CDON: variants seen among roughly 807,000 people sequenced by gnomAD.
The protein encoded by CDON is cell adhesion associated, oncogene regulated.
Under a neutral mutation model 120.9 loss-of-function variants are expected in CDON, and 73 were observed. The ratio of observed to expected loss-of-function variants is 0.60; its 90% CI spans 0.50 to 0.73. The LOEUF (loss-of-function observed/expected upper bound fraction) is 0.73, where lower values mean the gene tolerates loss of function less well. Ranked by LOEUF, CDON falls within the 30% of genes least tolerant of loss-of-function variation. The probability of loss-of-function intolerance (pLI) is 0.00; values close to 1 mark genes in which losing one functional copy is unlikely to be tolerated. For synonymous variants in CDON, 566 were observed against 573.5 expected (o/e 0.99, Z 0.19); for missense variants, 1,470 against 1,587.3 (o/e 0.93, Z 1.26).
intron 16 of CDON, 29 bp from the exon 17 acceptor site, chr11:125,981,358 A>G (rs747182223): frequency 3.7e-5 from 51 of 1,363,126 alleles, no homozygotes; most frequent in Non-Finnish European, 5.2e-5. Context: ...AAAGACACAC[A>G]CGCACACACA....
At position 126,019,775 on chromosome 11, in the gene CDON, A is replaced by T. The variant is rs1024682956; in HGVS notation, c.350-10T>A. 1.4e-5 allele frequency: 22 copies of T among 1,605,778 alleles called. No homozygotes were observed. The Admixed American group carries it at 3.7e-4, about 27-fold the overall frequency. On this transcript the variant is annotated splice_polypyrimidine_tract_variant and intron_variant, in intron 3 of 19. Transcript: ENST00000531738. ...CCAAAATCACCAAGAACTGAAATATATAAGGAAACAGATAAATAAATACAT... is the reference window on the plus strand; with the variant it reads ...CCAAAATCACCAAGAACTGAAATATTTAAGGAAACAGATAAATAAATACAT...
intron 18 of CDON, among the ~76,000 whole-genome samples, chr11:125,974,395 AGGGAGGGAGGG>A (rs1946095701): frequency 1.0e-4 from 1 of 9,598 alleles, no homozygotes; most frequent in Non-Finnish European, 2.0e-4. Flanking sequence ...GAAGGAAGGG[AGGGAGGGAGGG>A]AGGGAGGGAG....
At chr11:126,029,103 C>T (rs1947880731) in intron 1 of CDON, among the ~76,000 whole-genome samples, 1 of 152,154 alleles carries the variant, frequency 6.6e-6, no homozygotes, top group Non-Finnish European at 1.5e-5. Context: ...GGTTTAGATC[C>T]TCACACTGTG....
intron 19 of CDON, among the ~76,000 whole-genome samples, 163 bp from the exon 20 acceptor site, chr11:125,961,268 A>G (rs1470564158): frequency 6.6e-6 from 1 of 152,236 alleles, no homozygotes; most frequent in African/African-American, 2.4e-5. Flanking sequence ...AGAAGGTTTA[A>G]AAGGTTTAAA....
chr11:126,009,563 C>T (rs369501538), intron 8 of CDON, among the ~76,000 whole-genome samples: 142 of 152,292 alleles, frequency 9.3e-4, no homozygotes, highest in African/African-American at 3.4e-3. Context: ...ACCATGGCCC[C>T]AGGCAGAAGA....
At chr11:126,027,693 G>A (rs1279104781) in intron 1 of CDON, among the ~76,000 whole-genome samples, 2 of 152,106 alleles carry the variant, frequency 1.3e-5, no homozygotes, top group Admixed American at 1.3e-4. Flanking sequence ...CCTTGGCAAG[G>A]GAGACAATAA....
intron 5 of CDON, 89 bp downstream of exon 5, chr11:126,018,241 A>C: frequency 7.4e-7 from 1 of 1,345,112 alleles, no homozygotes; most frequent in Non-Finnish European, 1.1e-6. Context: ...ATAAACAAAC[A>C]GGATTTGAAA....
intron 15 of CDON, among the ~76,000 whole-genome samples, chr11:125,985,702 G>C (rs1359732548): frequency 6.6e-6 from 1 of 152,096 alleles, no homozygotes; most frequent in Non-Finnish European, 1.5e-5. Flanking sequence ...CAGTTGAACA[G>C]ACACATGAAA....
rs1945649205 is a variant in CDON, at chr11:125,961,718, C to T, written c.3631+6G>A. 1 of 1,614,050 alleles carries T rather than the reference C, an allele frequency of 6.2e-7. No homozygotes were observed. The highest frequency in any genetic ancestry group is 8.5e-7 in the Non-Finnish European group (1 of 1,180,028). ...GGAATCCTAAGGTTGATCATGCCTT[C>T]CTGACCTCTGCTGAACTCTGCTGGA... On this transcript the variant is annotated splice_donor_region_variant and intron_variant, in intron 19 of 19. Coordinates refer to ENST00000531738, the MANE Select transcript of CDON (RefSeq NM_001378964.1).
intron 18 of CDON, among the ~76,000 whole-genome samples, chr11:125,970,210 C>T: frequency 7.5e-6 from 1 of 132,784 alleles, no homozygotes; most frequent in African/African-American, 2.8e-5. Flanking sequence ...GAGTCTTGCT[C>T]TGTCGCCAGG....
intron 1 of CDON, among the ~76,000 whole-genome samples, chr11:126,055,912 T>A (rs1948670934): frequency 6.6e-6 from 1 of 152,202 alleles, no homozygotes; most frequent in Admixed American, 6.5e-5. Context: ...AGCCAGCAAG[T>A]CGAGGCAATC....
chr11:125,996,664 C>A (rs1182491567), intron 12 of CDON, among the ~76,000 whole-genome samples: 1 of 123,728 alleles, frequency 8.1e-6, no homozygotes, highest in Admixed American at 1.0e-4. Flanking sequence ...TTCGCCACTG[C>A]ACTCCGGCCT....
At chr11:126,022,244 A>G (rs1031649154) in intron 2 of CDON, among the ~76,000 whole-genome samples, 12 of 152,144 alleles carry the variant, frequency 7.9e-5, no homozygotes, top group Non-Finnish European at 1.5e-5. Flanking sequence ...TATTTTACCA[A>G]CAGGATTTGA....
chr11:125,980,630 C>A (rs961465230), intron 17 of CDON, among the ~76,000 whole-genome samples: 3 of 152,212 alleles, frequency 2.0e-5, no homozygotes, highest in Admixed American at 6.5e-5. Flanking sequence ...ACTGTCTGTG[C>A]TCTCCAGGTG....
intron 1 of CDON, among the ~76,000 whole-genome samples, chr11:126,026,572 A>AAAATC (rs2134727077): frequency 6.6e-6 from 1 of 152,330 alleles, no homozygotes; most frequent in African/African-American, 2.4e-5. Flanking sequence ...CACCTTCTCT[A>AAAATC]TGCCAAGTAC....
At chr11:126,039,389 T>C (rs1372000361) in intron 1 of CDON, among the ~76,000 whole-genome samples, 1 of 152,238 alleles carries the variant, frequency 6.6e-6, no homozygotes, top group African/African-American at 2.4e-5. Flanking sequence ...AATTAGTCAC[T>C]GCCATCTACT....
chr11:126,025,592 A>G (rs939690423), intron 1 of CDON, among the ~76,000 whole-genome samples: 13 of 152,180 alleles, frequency 8.5e-5, no homozygotes, highest in Non-Finnish European at 1.8e-4. Context: ...TAAAACTAAA[A>G]AAGTTTCACA....
At position 126,038,344 on chromosome 11, in the gene CDON, G is replaced by A. The variant is rs1040243441; in HGVS notation, c.-61-14807C>T. ...AGATAGGTCTTCTCATGAAGACTCA[G>A]TATTTATCTTAAAAAAAGAATCTCA... is the stretch of plus-strand genomic sequence containing the variant. On this transcript the variant is annotated intron_variant, in intron 1 of 19. Coordinates refer to ENST00000531738, the MANE Select transcript of CDON (RefSeq NM_001378964.1). Among the ~76,000 whole-genome samples, 23 of 152,040 alleles carry A rather than the reference G, an allele frequency of 1.5e-4. 1 individual carries two copies. Among genetic ancestry groups the A allele is most frequent in the Admixed American group, 6.6e-5 (1 of 15,238 alleles).
chr11:126,043,778 C>A (rs1219058589), intron 1 of CDON, among the ~76,000 whole-genome samples: 1 of 152,142 alleles, frequency 6.6e-6, no homozygotes, highest in Non-Finnish European at 1.5e-5. Context: ...GAATCGATGG[C>A]CATGTGTCAT....
Sources: allele counts gnomAD v4.1 joint callset (sites outside exome capture counted in the v4.1 genomes callset), GRCh38; gene constraint gnomAD v4.1.1; transcripts MANE v1.5; gene names NCBI Gene and HGNC (gene_info 2026-07-23, HGNC 2026-07-21).